The following EDIL3 variants were observed in gnomAD, a reference collection of about 807,000 sequenced individuals.
The protein encoded by EDIL3 is EGF-like repeat and discoidin I-like domain-containing protein 3.
Under a neutral mutation model 67.4 loss-of-function variants are expected in EDIL3, and 37 were observed. The observed-to-expected ratio is 0.55, with a 90% CI of 0.42 to 0.72. The LOEUF is 0.72. EDIL3 is among the 30% of genes least tolerant of loss of function. The pLI, the probability that EDIL3 is intolerant of heterozygous loss-of-function variation, is 0.00. For synonymous variants in EDIL3, 195 were observed against 196.3 expected (o/e 0.99, Z 0.05); for missense variants, 527 against 586.3 (o/e 0.90, Z 1.04).
rs564718637 is a variant in EDIL3, at chr5:84,359,486, C to A, written c.67+24822G>T. ...CCTCTAATGGCTTACATGGTTCATG[C>A]ATGATTGCAATTTTAAATGGGTTGG... On this transcript the variant is annotated intron_variant, in intron 1 of 10. Transcript: ENST00000296591. Among the ~76,000 whole-genome samples, 6 of 152,290 alleles carry A rather than the reference C, an allele frequency of 3.9e-5. No individual in the cohort carries two copies. The East Asian group carries it at 7.7e-4, about 20-fold the overall frequency.
chr5:84,350,079 G>C (rs779284740), intron 1 of EDIL3, among the ~76,000 whole-genome samples: 1 of 151,994 alleles, frequency 6.6e-6, no homozygotes, highest in Non-Finnish European at 1.5e-5. Context: ...TCTAACCCAG[G>C]CATCCTCACC....
At chr5:84,101,965 T>C (rs940618760) in intron 6 of EDIL3, among the ~76,000 whole-genome samples, 3 of 152,084 alleles carry the variant, frequency 2.0e-5, no homozygotes, top group East Asian at 1.9e-4. Context: ...TAAAAGCTTA[T>C]CCACCATGAT....
At chr5:84,036,750 C>T (rs1457713480) in intron 9 of EDIL3, among the ~76,000 whole-genome samples, 2 of 152,132 alleles carry the variant, frequency 1.3e-5, no homozygotes, top group East Asian at 1.9e-4. Flanking sequence ...TTTAGAGCTG[C>T]TGAGTTTTAA....
chr5:84,034,891 C>T (rs1163768273), intron 9 of EDIL3, among the ~76,000 whole-genome samples: 1 of 152,076 alleles, frequency 6.6e-6, no homozygotes, highest in Non-Finnish European at 1.5e-5. Flanking sequence ...TCACTGATAT[C>T]GAGTCTCACG....
At chr5:83,946,960 C>T (rs1326855385) in intron 10 of EDIL3, among the ~76,000 whole-genome samples, 2 of 151,906 alleles carry the variant, frequency 1.3e-5, no homozygotes, top group Non-Finnish European at 2.9e-5. Context: ...TTGCTGTTCA[C>T]ATCATTCAAA....
At chr5:84,064,655 T>G in intron 8 of EDIL3, 45 bp downstream of exon 8, 1 of 1,567,806 alleles carries the variant, frequency 6.4e-7, no homozygotes. Context: ...ATATGCTTTT[T>G]GTTTTCTTTA....
At chr5:84,342,558 T>C (rs537354057) in intron 1 of EDIL3, among the ~76,000 whole-genome samples, 49 of 152,174 alleles carry the variant, frequency 3.2e-4, no homozygotes, top group Non-Finnish European at 4.6e-4. Context: ...TGTACCCCCA[T>C]AGATTTATAC....
At chr5:84,208,160 C>T (rs1027501028) in intron 3 of EDIL3, among the ~76,000 whole-genome samples, 1 of 152,004 alleles carries the variant, frequency 6.6e-6, no homozygotes, top group Non-Finnish European at 1.5e-5. Flanking sequence ...TGACAGAGGG[C>T]TAATATCCAG....
intron 9 of EDIL3, among the ~76,000 whole-genome samples, chr5:84,009,205 A>G (rs1462654355): frequency 6.6e-6 from 1 of 152,200 alleles, no homozygotes; most frequent in Non-Finnish European, 1.5e-5. Flanking sequence ...AATAAAAAAA[A>G]ATAAAAACAG....
chr5:84,293,501 G>A (rs1745969657), intron 1 of EDIL3, among the ~76,000 whole-genome samples: 1 of 151,960 alleles, frequency 6.6e-6, no homozygotes, highest in South Asian at 2.1e-4. Flanking sequence ...GTTTTCAAGC[G>A]TAGACTTACC....
chr5:83,964,044 A>G (rs1744648893), intron 9 of EDIL3, among the ~76,000 whole-genome samples: 1 of 151,882 alleles, frequency 6.6e-6, no homozygotes, highest in Non-Finnish European at 1.5e-5. Context: ...CTATGCTCAT[A>G]ATGTGTTCTT....
rs1333960216 is a variant in EDIL3 at position 84,060,465 on chromosome 5, A to G, written c.972T>C (p.Gly324=). 1 of 1,613,468 alleles carries G rather than the reference A, an allele frequency of 6.2e-7. No individual in the cohort carries two copies. Among genetic ancestry groups the G allele is most frequent in the African/African-American group, 1.3e-5 (1 of 74,866 alleles). ...AGTCTTGTATATGTCCTGATTTCATACCCAGAGGCTCAGAACAACCTGAAA... is the reference window on the plus strand; with the variant it reads ...AGTCTTGTATATGTCCTGATTTCATGCCCAGAGGCTCAGAACAACCTGAAA... ...CELSGCSEPL[G]MKSGHIQDYQ... The change falls in exon 9 of 11, where the codon GGT becomes GGC. Residue 324 remains glycine (G), a synonymous_variant. Coordinates refer to ENST00000296591, the MANE Select transcript of EDIL3 (RefSeq NM_005711.5).
At chr5:84,148,731 C>T (rs964749464) in intron 4 of EDIL3, among the ~76,000 whole-genome samples, 6 of 152,046 alleles carry the variant, frequency 3.9e-5, no homozygotes, top group African/African-American at 1.4e-4. Context: ...TCAAGGCCAC[C>T]ATGGAAGAAT....
At chr5:84,144,751 A>G (rs1580348096) in intron 4 of EDIL3, among the ~76,000 whole-genome samples, 1 of 151,902 alleles carries the variant, frequency 6.6e-6, no homozygotes, top group African/African-American at 2.4e-5. Flanking sequence ...TATTTTTATT[A>G]TTATTTATAC....
intron 9 of EDIL3, among the ~76,000 whole-genome samples, chr5:84,034,524 A>C (rs1280409706): frequency 1.3e-5 from 2 of 152,164 alleles, no homozygotes; most frequent in Non-Finnish European, 2.9e-5. Flanking sequence ...GACACTGCAA[A>C]AAACAAATCT....
In EDIL3 at chr5:83,943,177, G is replaced by T. The variant is rs1446933033; in HGVS notation, c.*242C>A. The T allele has an allele frequency of 2.2e-6, 1 of 446,006 alleles. No individual in the cohort carries two copies. Among genetic ancestry groups the T allele is most frequent in the Non-Finnish European group, 4.0e-6 (1 of 250,672 alleles). 27.6% of individuals were successfully genotyped at this position (446,006 alleles called of 1,614,324 possible). A position where few individuals can be genotyped will look rare whatever the true frequency, so the allele number is the denominator to read the frequency against. On this transcript the variant is annotated 3_prime_UTR_variant, in exon 11 of 11. Coordinates refer to ENST00000296591, the MANE Select transcript of EDIL3 (RefSeq NM_005711.5). The stretch of plus-strand genomic sequence containing the variant: ...TAATTCAGGAAACAATGAGAGAAAA[G>T]TAATTCACACTTAATGTGTTGTTAC...
chr5:84,163,568 G>A (rs1172438866), intron 4 of EDIL3, among the ~76,000 whole-genome samples: 1 of 151,976 alleles, frequency 6.6e-6, no homozygotes, highest in Non-Finnish European at 1.5e-5. Context: ...GTCATGGATA[G>A]CTCAGAAATT....
At chr5:84,049,651 T>A (rs1030873389) in intron 9 of EDIL3, among the ~76,000 whole-genome samples, 2 of 152,194 alleles carry the variant, frequency 1.3e-5, no homozygotes, top group Non-Finnish European at 2.9e-5. Flanking sequence ...TTGGTAAGAA[T>A]TTTGAAAGTT....
intron 1 of EDIL3, among the ~76,000 whole-genome samples, chr5:84,343,089 C>A (rs1172991613): frequency 6.6e-6 from 1 of 151,932 alleles, no homozygotes; most frequent in African/African-American, 2.4e-5. Context: ...AGTCAAGGGA[C>A]AATAAAATAT....
Sources: allele counts gnomAD v4.1 joint callset (sites outside exome capture counted in the v4.1 genomes callset), GRCh38; gene constraint gnomAD v4.1.1; transcripts MANE v1.5; gene names NCBI Gene and HGNC (gene_info 2026-07-23, HGNC 2026-07-21).